Variants in SMG6 observed in about 807,000 individuals in gnomAD.
SMG6 encodes the protein telomerase-binding protein EST1A.
A neutral mutation model predicts 142.2 loss-of-function variants in SMG6; 66 were observed. The ratio of observed to expected loss-of-function variants is 0.46; its 90% confidence interval spans 0.38 to 0.57. The LOEUF is 0.57. Ranked by LOEUF, SMG6 falls within the 20% of genes least tolerant of loss-of-function variation. SMG6 has a pLI of 0.00. For synonymous variants in SMG6, 779 were observed against 702.4 expected (o/e 1.11, Z -1.72); for missense variants, 1,793 against 1,832.0 (o/e 0.98, Z 0.39).
At chr17:2,241,223 T>C (rs2073793610) in intron 9 of SMG6, among the ~76,000 whole-genome samples, 1 of 152,108 alleles carries the variant, frequency 6.6e-6, no homozygotes, top group Admixed American at 6.5e-5. Context: ...ATAAAAGAGA[T>C]CCTGAAAAAT....
intron 13 of SMG6, among the ~76,000 whole-genome samples, chr17:2,103,804 T>G (rs1475667474): frequency 6.6e-6 from 1 of 152,138 alleles, no homozygotes; most frequent in African/African-American, 2.4e-5. Flanking sequence ...GGCTAACTCA[T>G]CACCGGATCT....
chr17:2,275,854 T>G (rs924038856), intron 8 of SMG6, among the ~76,000 whole-genome samples: 1 of 152,114 alleles, frequency 6.6e-6, no homozygotes, highest in South Asian at 2.1e-4. Flanking sequence ...CCAGGCTGGA[T>G]GTTCAACCCA....
rs540550109 is a variant in SMG6 at position 2,106,916 on chromosome 17, C to T, written c.3358-21015G>A. Among the ~76,000 whole-genome samples the T allele has an allele frequency of 1.0e-3, 153 of 151,972 alleles. 1 individual carries two copies. The highest frequency in any genetic ancestry group is 1.8e-3 in the Non-Finnish European group (125 of 67,932). On this transcript the variant is annotated intron_variant, in intron 13 of 18. Transcript: ENST00000263073. The stretch of plus-strand genomic sequence containing the variant: ...TCGGCTCACTGCAACCTCCGCCTCC[C>T]GGGTTCTAGCAATTCTCCTGCCTCA...
chr17:2,140,402 T>C (rs1803598497), intron 13 of SMG6, among the ~76,000 whole-genome samples: 2 of 152,232 alleles, frequency 1.3e-5, no homozygotes, highest in Non-Finnish European at 2.9e-5. Flanking sequence ...CCGGGTACGA[T>C]GGCTCACACC....
intron 8 of SMG6, among the ~76,000 whole-genome samples, chr17:2,276,304 C>G (rs2074646954): frequency 1.3e-5 from 2 of 152,074 alleles, no homozygotes; most frequent in African/African-American, 2.4e-5. Flanking sequence ...ACGCACACAC[C>G]CCAAACATCT....
At chr17:2,267,466 G>A (rs908390742) in intron 8 of SMG6, among the ~76,000 whole-genome samples, 6 of 152,002 alleles carry the variant, frequency 3.9e-5, no homozygotes, top group African/African-American at 7.2e-5. Flanking sequence ...CCAATGTGCC[G>A]GGATTATACC....
At chr17:2,089,175 T>C (rs1247433788) in intron 13 of SMG6, among the ~76,000 whole-genome samples, 1 of 152,082 alleles carries the variant, frequency 6.6e-6, no homozygotes, top group Non-Finnish European at 1.5e-5. Flanking sequence ...GTGAGCACAT[T>C]TTTCCACTCT....
chr17:2,171,099 C>A (rs1354299820), intron 13 of SMG6, among the ~76,000 whole-genome samples: 4 of 151,838 alleles, frequency 2.6e-5, no homozygotes, highest in Admixed American at 6.6e-5. Context: ...CATGGTGAAA[C>A]CCCATCTCTA....
intron 10 of SMG6, among the ~76,000 whole-genome samples, chr17:2,195,600 C>A (rs2072300389): frequency 6.6e-6 from 1 of 152,176 alleles, no homozygotes; most frequent in Non-Finnish European, 1.5e-5. Flanking sequence ...GCACACTTGC[C>A]TCTCTCACTT....
chr17:2,243,350 G>A (rs957531756), intron 9 of SMG6, among the ~76,000 whole-genome samples: 23 of 152,120 alleles, frequency 1.5e-4, no homozygotes, highest in Non-Finnish European at 2.8e-4. Context: ...TAACTACAAC[G>A]GTATGTGGAA....
intron 13 of SMG6, among the ~76,000 whole-genome samples, chr17:2,157,519 G>A (rs1180595183): frequency 6.6e-6 from 1 of 152,168 alleles, no homozygotes. Flanking sequence ...GTAAGTGGAA[G>A]GGAACCACAA....
At chr17:2,223,340 T>C (rs904463469) in intron 10 of SMG6, among the ~76,000 whole-genome samples, 2 of 152,224 alleles carry the variant, frequency 1.3e-5, no homozygotes, top group South Asian at 4.1e-4. Flanking sequence ...CACACGCGCA[T>C]ATTTTCTGAA....
At chr17:2,134,040 T>A (rs996939482) in intron 13 of SMG6, among the ~76,000 whole-genome samples, 1 of 152,112 alleles carries the variant, frequency 6.6e-6, no homozygotes, top group Non-Finnish European at 1.5e-5. Flanking sequence ...GATAAAACTG[T>A]ATGTTTAGGC....
At chr17:2,218,154 A>G (rs2073071096) in intron 10 of SMG6, among the ~76,000 whole-genome samples, 1 of 152,206 alleles carries the variant, frequency 6.6e-6, no homozygotes, top group African/African-American at 2.4e-5. Flanking sequence ...GTTCAGCTCA[A>G]TAGAAGGTTT....
intron 13 of SMG6, among the ~76,000 whole-genome samples, chr17:2,129,615 GA>G (rs1567621019): frequency 6.6e-6 from 1 of 151,694 alleles, no homozygotes; most frequent in Non-Finnish European, 1.5e-5. Context: ...CCAACATGGT[GA>G]AATCCTGTTT....
chr17:2,225,205 C>T (rs936363407), intron 10 of SMG6, among the ~76,000 whole-genome samples: 1 of 151,944 alleles, frequency 6.6e-6, no homozygotes, highest in African/African-American at 2.4e-5. Flanking sequence ...AGGCCAGGCG[C>T]AGTGGCTCAC....
At chr17:2,245,541 T>C (rs1207973046) in intron 8 of SMG6, among the ~76,000 whole-genome samples, 1 of 152,044 alleles carries the variant, frequency 6.6e-6, no homozygotes. Flanking sequence ...TGCACCCCCA[T>C]AATCGGCTAA....
At chr17:2,114,906 AAAAAT>A (rs71375589) in intron 13 of SMG6, among the ~76,000 whole-genome samples, 792 of 62,008 alleles carry the variant, frequency 0.013, 55 homozygotes, top group African/African-American at 0.063. Context: ...CAGCCTGGGC[AAAAAT>A]AAAATAAAAT....
At chr17:2,256,986 A>C (rs575415185) in intron 8 of SMG6, among the ~76,000 whole-genome samples, 44 of 151,302 alleles carry the variant, frequency 2.9e-4, no homozygotes, top group Non-Finnish European at 4.9e-4. Flanking sequence ...TTATTTATTT[A>C]TTATTTTGAG....
Sources: gnomAD v4.1 joint callset for allele counts (sites outside exome capture counted in the v4.1 genomes callset) on GRCh38, gnomAD v4.1.1 for gene constraint, MANE v1.5 for transcripts, NCBI Gene and HGNC (gene_info 2026-07-23, HGNC 2026-07-21) for gene names.